HAAO: variants seen among roughly 807,000 people sequenced by gnomAD.
HAAO encodes 3-hydroxyanthranilate oxygenase.
In HAAO, 49 loss-of-function variants were observed where a neutral mutation model predicts 46.2. That is an observed-to-expected ratio of 1.06 (90% confidence interval 0.84 to 1.34). The LOEUF is 1.34. Ranked by LOEUF, HAAO falls within the 40% of genes most tolerant of loss-of-function variation. The probability of loss-of-function intolerance (pLI) is 0.00; values close to 1 mark genes in which losing one functional copy is unlikely to be tolerated. For synonymous variants in HAAO, 157 were observed against 145.2 expected, an observed-to-expected ratio of 1.08 and a Z score of -0.58; for missense variants, 408 against 364.5, an observed-to-expected ratio of 1.12 and a Z score of -0.97.
chr2:42,770,666 A>G lies in HAAO; in HGVS notation c.351-84T>C, dbSNP rs1040863721. ...CCCACTCAGGCCTGGCTCTGCTTGT[A>G]GAAGTCCCTGCAGAGCCCTGCTGTC... On this transcript the variant is annotated intron_variant, in intron 4 of 9. Transcript: ENST00000294973. 4.8e-5 allele frequency: 39 copies of G among 806,594 alleles called. 1 individual carries two copies. The highest frequency in any genetic ancestry group is 1.8e-4 in the Admixed American group (7 of 39,188). The allele number at this position is 806,594 out of a possible 1,614,324, so 50.0% of individuals were successfully genotyped here. A position where few individuals can be genotyped will look rare whatever the true frequency, so the allele number is the denominator to read the frequency against.
chr2:42,771,222 A>G (rs1009308135), intron 4 of HAAO, among the ~76,000 whole-genome samples: 1 of 151,454 alleles, frequency 6.6e-6, no homozygotes, highest in African/African-American at 2.4e-5. Context: ...ACTAAAAATA[A>G]TAATAATAAT....
chr2:42,770,251 C>A, intron 5 of HAAO, 65 bp from the exon 6 acceptor site: 1 of 1,323,898 alleles, frequency 7.6e-7, no homozygotes, highest in Non-Finnish European at 1.1e-6. Context: ...CAGCGACACA[C>A]ACATACACCA....
chr2:42,770,370 G>T, intron 5 of HAAO, 123 bp downstream of exon 5: 1 of 903,364 alleles, frequency 1.1e-6, no homozygotes, highest in Non-Finnish European at 1.7e-6. Context: ...CCTCCCCCCG[G>T]CCTGGCAGTG....
At position 42,783,871 on chromosome 2, in the gene HAAO, TG is replaced by T; in HGVS notation, c.160-5del. 1.2e-6 allele frequency: 2 copies of T among 1,607,346 alleles called. No individual in the cohort carries two copies. Among genetic ancestry groups the T allele is most frequent in the Non-Finnish European group, 1.7e-6 (2 of 1,176,606 alleles). ...CTCCCTCCAGCTGGTAAAATACCTGTGGGACAGGAGAGAGGCTTGGACCCTC... is the reference window on the plus strand; with the variant it reads ...CTCCCTCCAGCTGGTAAAATACCTGTGGACAGGAGAGAGGCTTGGACCCTC... On this transcript the variant is annotated splice_polypyrimidine_tract_variant and splice_region_variant and intron_variant, in intron 2 of 9. Coordinates refer to ENST00000294973, the MANE Select transcript of HAAO (RefSeq NM_012205.3).
intron 4 of HAAO, among the ~76,000 whole-genome samples, chr2:42,780,498 G>A (rs531478879): frequency 5.9e-5 from 9 of 151,644 alleles, no homozygotes; most frequent in South Asian, 2.1e-4. Context: ...GAGCCACCGC[G>A]CCCGGCGAAC....
rs778331345 is a variant in HAAO at position 42,783,808 on chromosome 2, C to T, written c.219G>A (p.Arg73=). ...VLRVLEQGKH[R]DVVIRQGEIF... is the part of the protein sequence containing the mutation. ...CCTCTCCCTGCCGAATGACCACATC[C>T]CGGTGTTTCCCTTGCTCCAGGACTC... Residue 73 remains arginine, a synonymous_variant, in exon 3 of 10, where the codon CGG becomes CGA. Coordinates refer to ENST00000294973, the MANE Select transcript of HAAO (RefSeq NM_012205.3). The T allele has an allele frequency of 6.2e-6, 10 of 1,612,748 alleles. No homozygotes were observed. In the African/African-American group the frequency reaches 1.3e-4, roughly 22 times the overall value.
chr2:42,790,359 C>T lies in HAAO; in HGVS notation c.81-1752G>A, dbSNP rs985640616. On this transcript the variant is annotated intron_variant, in intron 1 of 9. Coordinates refer to ENST00000294973, the MANE Select transcript of HAAO (RefSeq NM_012205.3). ...AGAGCTTCAAGGAGGGGAGGGAAGC[C>T]GCAAGGAACTTGACTGGGGAAGAGT... Among the ~76,000 whole-genome samples the T allele has an allele frequency of 5.3e-5, 8 of 151,628 alleles. No homozygotes were observed. In the East Asian group the frequency reaches 7.8e-4, roughly 15 times the overall value.
intron 4 of HAAO, among the ~76,000 whole-genome samples, chr2:42,772,170 GAA>G (rs1186930545): frequency 6.6e-6 from 1 of 152,096 alleles, no homozygotes; most frequent in African/African-American, 2.4e-5. Context: ...TGTGTTTTTT[GAA>G]AAGATTTAAT....
rs759103777 is a variant in HAAO, at chr2:42,783,366, C to T, written c.298G>A (p.Val100Met). 12 of 1,613,492 alleles carry T rather than the reference C, an allele frequency of 7.4e-6. No homozygotes were observed. Among genetic ancestry groups the T allele is most frequent in the South Asian group, 4.4e-5 (4 of 90,936 alleles). Residue 100 changes from valine to methionine, a missense_variant, in exon 4 of 10, where the codon GTG (valine) becomes ATG (methionine). Coordinates refer to ENST00000294973, the MANE Select transcript of HAAO (RefSeq NM_012205.3). Reference protein sequence around the residue: ...PHSPQRFANTVGLVVERRRLE... With the variant: ...PHSPQRFANTMGLVVERRRLE... The stretch of plus-strand genomic sequence containing the variant: ...CGCCTTCGCTCAACCACCAGCCCCA[C>T]GGTGTTGGCAAACCTCTGTGGTGAG...
chr2:42,788,733 A>C, intron 1 of HAAO, 126 bp from the exon 2 acceptor site: 1 of 707,590 alleles, frequency 1.4e-6, no homozygotes, highest in Non-Finnish European at 2.6e-6. Context: ...TTTTGGCCTC[A>C]CTGTCCCTGT....
rs35140404 is a variant in HAAO, at chr2:42,778,335, A to AT, written c.350+4978dup. Among the ~76,000 whole-genome samples the AT allele has an allele frequency of 3.7e-4, 55 of 149,934 alleles. No homozygotes were observed. The South Asian group carries it at 4.2e-3, about 11-fold the overall frequency. The stretch of plus-strand genomic sequence containing the variant: ...CTAAAAAGGACACCAGGTCCTGCTA[A>AT]TTTTTTTTTTTGACATGGAGTCTTG... On this transcript the variant is annotated intron_variant, in intron 4 of 9. Transcript: ENST00000294973.
chr2:42,773,429 G>T (rs965574259), intron 4 of HAAO, among the ~76,000 whole-genome samples: 1 of 152,104 alleles, frequency 6.6e-6, no homozygotes, highest in Middle Eastern at 3.4e-3. Flanking sequence ...GGCTGCACTG[G>T]GGGAGGTGGG....
chr2:42,777,763 T>C (rs1280979568), intron 4 of HAAO, among the ~76,000 whole-genome samples: 1 of 152,024 alleles, frequency 6.6e-6, no homozygotes, highest in African/African-American at 2.4e-5. Flanking sequence ...TATTTCATTA[T>C]TTGGGTACTT....
intron 4 of HAAO, chr2:42,782,815 G>T: frequency 4.9e-6 from 2 of 411,268 alleles, no homozygotes; most frequent in Non-Finnish European, 5.0e-6. Flanking sequence ...ACCTTTGCTT[G>T]GAGTTGTCTC....
intron 4 of HAAO, among the ~76,000 whole-genome samples, chr2:42,777,028 A>G (rs1326259465): frequency 6.7e-6 from 1 of 149,870 alleles, no homozygotes; most frequent in Non-Finnish European, 1.5e-5. Context: ...CTGACCGGGC[A>G]TGGTGGCTCA....
At chr2:42,780,912 A>C (rs1228585810) in intron 4 of HAAO, among the ~76,000 whole-genome samples, 2 of 7,720 alleles carry the variant, frequency 2.6e-4, no homozygotes, top group Non-Finnish European at 4.4e-4. Context: ...CTAAAAATAC[A>C]AAAAAAAAAA....
intron 4 of HAAO, among the ~76,000 whole-genome samples, chr2:42,772,957 C>T (rs1295124593): frequency 6.8e-6 from 1 of 146,786 alleles, no homozygotes; most frequent in African/African-American, 2.5e-5. Flanking sequence ...AAAAAAAACC[C>T]AACCAAACAC....
At chr2:42,791,048 A>G (rs921569021) in intron 1 of HAAO, among the ~76,000 whole-genome samples, 1 of 152,032 alleles carries the variant, frequency 6.6e-6, no homozygotes, top group Non-Finnish European at 1.5e-5. Context: ...TGTAAAATTT[A>G]TATGTTGAAG....
intron 2 of HAAO, among the ~76,000 whole-genome samples, chr2:42,787,683 G>A (rs1474191592): frequency 6.6e-6 from 1 of 152,098 alleles, no homozygotes; most frequent in Non-Finnish European, 1.5e-5. Context: ...CTGTGGCCTG[G>A]ATGCCCTCAG....
Sources: gnomAD v4.1 joint callset for allele counts (sites outside exome capture counted in the v4.1 genomes callset) on GRCh38, gnomAD v4.1.1 for gene constraint, MANE v1.5 for transcripts, NCBI Gene and HGNC (gene_info 2026-07-23, HGNC 2026-07-21) for gene names.